The following RBFOX1 variants were observed in gnomAD, a reference collection of about 807,000 sequenced individuals.
The protein encoded by RBFOX1 is RNA binding fox-1 homolog 1, also known as RNA binding protein fox-1 homolog 1.
RBFOX1 carries 8 observed loss-of-function variants against 57.7 expected under a neutral mutation model. The observed-to-expected ratio is 0.14, with a 90% CI of 0.08 to 0.25. The LOEUF is 0.25. Among genes scored for constraint, RBFOX1 ranks in the 10% least tolerant of loss-of-function variants. The pLI is 1.00. For missense variants in RBFOX1, 611 were observed against 548.5 expected (o/e 1.11, Z -1.14); for synonymous variants, 326 against 222.4 (o/e 1.47, Z -4.15).
chr16:7,027,386 G>T (rs1030382600), intron 3 of RBFOX1, among the ~76,000 whole-genome samples: 2 of 152,108 alleles, frequency 1.3e-5, no homozygotes, highest in Non-Finnish European at 2.9e-5. Flanking sequence ...TCTCATAGAT[G>T]CCTAACAAAA....
At position 5,462,293 on chromosome 16, in the gene RBFOX1, C is replaced by T. The variant is rs560172565; in HGVS notation, c.220-4923C>T. Among the ~76,000 whole-genome samples the T allele has an allele frequency of 3.9e-3, 587 of 151,802 alleles. 3 individuals are homozygous for T. The highest frequency in any genetic ancestry group is 0.013 in the African/African-American group (553 of 41,392). On this transcript the variant is annotated intron_variant, in intron 1 of 2. Transcript: ENST00000585867. Reference sequence around the variant, plus strand: ...ACGCCATTCTCCTGCCTCAGCCTCCCGAGTAGCTGGGACTACAGGGGCCCG... The same window carrying T: ...ACGCCATTCTCCTGCCTCAGCCTCCTGAGTAGCTGGGACTACAGGGGCCCG...
chr16:5,618,942 G>T (rs1052585427), intron 3 of RBFOX1, among the ~76,000 whole-genome samples: 1 of 152,306 alleles, frequency 6.6e-6, no homozygotes, highest in Admixed American at 6.5e-5. Context: ...AGATGACTTT[G>T]GGTAGCTGAT....
chr16:5,432,380 G>A (rs568514702), intron 1 of RBFOX1, among the ~76,000 whole-genome samples: 2 of 152,128 alleles, frequency 1.3e-5, no homozygotes, highest in Non-Finnish European at 2.9e-5. Context: ...CGACTGCTCC[G>A]TGCCTCCGCC....
intron 4 of RBFOX1, among the ~76,000 whole-genome samples, chr16:7,071,836 C>G (rs1293612661): frequency 6.6e-6 from 1 of 152,074 alleles, no homozygotes; most frequent in African/African-American, 2.4e-5. Flanking sequence ...GCCCATTAAT[C>G]TGCTCTTCCT....
At chr16:5,495,625 G>A (rs1404715636) in intron 2 of RBFOX1, among the ~76,000 whole-genome samples, 1 of 152,158 alleles carries the variant, frequency 6.6e-6, no homozygotes, top group Non-Finnish European at 1.5e-5. Flanking sequence ...TAAGACCAAC[G>A]GGACCCAACA....
At chr16:7,007,118 G>T (rs566647223) in intron 3 of RBFOX1, among the ~76,000 whole-genome samples, 6 of 152,186 alleles carry the variant, frequency 3.9e-5, no homozygotes, top group Non-Finnish European at 7.3e-5. Context: ...CTGATAAGGA[G>T]GCTCTGGGAA....
chr16:7,291,749 G>T, intron 4 of RBFOX1, among the ~76,000 whole-genome samples: 1 of 151,812 alleles, frequency 6.6e-6, no homozygotes, highest in African/African-American at 2.4e-5. Flanking sequence ...GTGAGGAGAG[G>T]TCATGGCTAG....
chr16:6,519,526 C>T (rs559039545), intron 2 of RBFOX1, among the ~76,000 whole-genome samples: 17 of 152,168 alleles, frequency 1.1e-4, no homozygotes, highest in South Asian at 6.2e-4. Context: ...CATGACAAAA[C>T]CCCGTCTGCA....
intron 14 of RBFOX1, among the ~76,000 whole-genome samples, chr16:7,684,883 C>T (rs1192089573): frequency 6.6e-6 from 1 of 152,014 alleles, no homozygotes; most frequent in Admixed American, 6.6e-5. Flanking sequence ...GATCGTTTCC[C>T]CACTATTTTT....
At chr16:7,103,679 G>T (rs745568156) in intron 4 of RBFOX1, among the ~76,000 whole-genome samples, 1 of 152,158 alleles carries the variant, frequency 6.6e-6, no homozygotes, top group Non-Finnish European at 1.5e-5. Context: ...TAATAAAAAT[G>T]ACTTAAAGAA....
chr16:5,894,978 G>A (rs766863649), intron 4 of RBFOX1, among the ~76,000 whole-genome samples: 13 of 152,072 alleles, frequency 8.5e-5, no homozygotes, highest in Non-Finnish European at 1.6e-4. Flanking sequence ...GGCAGAGATC[G>A]TGCCACTGCA....
chr16:6,686,803 A>T (rs895667401), intron 3 of RBFOX1, among the ~76,000 whole-genome samples: 5 of 152,024 alleles, frequency 3.3e-5, no homozygotes, highest in African/African-American at 1.2e-4. Context: ...ACATCAAGAA[A>T]CCCACAGATT....
intron 4 of RBFOX1, among the ~76,000 whole-genome samples, chr16:5,906,440 A>C (rs890176969): frequency 6.6e-6 from 1 of 152,202 alleles, no homozygotes; most frequent in African/African-American, 2.4e-5. Context: ...GCTACGGAAC[A>C]GATCCTGCTT....
chr16:6,888,094 G>A lies in RBFOX1; in HGVS notation c.-15-163963G>A, dbSNP rs186904170. ...GTAATTAGTGTAAAATTTTTAATAA[G>A]CCTCATAAGCTTTACAATTATTTCC... On this transcript the variant is annotated intron_variant, in intron 3 of 15. Coordinates refer to ENST00000550418, the MANE Select transcript of RBFOX1 (RefSeq NM_018723.4). 2.6e-5 allele frequency among the ~76,000 whole-genome samples: 4 copies of A among 152,200 alleles called. No individual in the cohort carries two copies. The East Asian group carries it at 7.8e-4, about 30-fold the overall frequency.
intron 3 of RBFOX1, among the ~76,000 whole-genome samples, chr16:5,773,016 C>G (rs1181692172): frequency 6.6e-6 from 1 of 151,884 alleles, no homozygotes; most frequent in Non-Finnish European, 1.5e-5. Context: ...GAGAAATGGG[C>G]AAGGGGAAAA....
intron 3 of RBFOX1, among the ~76,000 whole-genome samples, chr16:5,709,715 G>GTA (rs36178320): frequency 0.53 from 72,351 of 136,576 alleles, 22,545 homozygotes; most frequent in Non-Finnish European, 0.71. Flanking sequence ...GTATTCTATG[G>GTA]TATATATATA....
At chr16:6,993,736 C>T (rs1027991876) in intron 3 of RBFOX1, among the ~76,000 whole-genome samples, 3 of 152,140 alleles carry the variant, frequency 2.0e-5, no homozygotes, top group Admixed American at 6.5e-5. Context: ...TTGGCAGCAG[C>T]CCAGCTCCAT....
intron 1 of RBFOX1, among the ~76,000 whole-genome samples, chr16:6,210,345 C>CA (rs770814967): frequency 0.13 from 3,378 of 25,374 alleles, 143 homozygotes; most frequent in Middle Eastern, 0.31. Context: ...AACAAAAAAA[C>CA]AAAAAAAAAA....
At chr16:5,776,243 G>A (rs891179670) in intron 3 of RBFOX1, among the ~76,000 whole-genome samples, 15 of 152,304 alleles carry the variant, frequency 9.8e-5, no homozygotes, top group African/African-American at 3.4e-4. Context: ...TTGCACATTC[G>A]TTGATTTGTA....
Sources: gnomAD v4.1 joint callset for allele counts (sites outside exome capture counted in the v4.1 genomes callset) on GRCh38, gnomAD v4.1.1 for gene constraint, MANE v1.5 for transcripts, NCBI Gene and HGNC (gene_info 2026-07-23, HGNC 2026-07-21) for gene names.